Variants in DOCK1 observed in about 807,000 individuals in gnomAD.
DOCK1 encodes the protein dedicator of cytokinesis 1, also known as dedicator of cytokinesis protein 1.
A neutral mutation model predicts 262.7 loss-of-function variants in DOCK1; 138 were observed. The observed-to-expected ratio is 0.53, with a 90% confidence interval of 0.46 to 0.61. DOCK1 has a LOEUF of 0.61. Ranked by LOEUF, DOCK1 falls within the 20% of genes least tolerant of loss-of-function variation. The pLI is 0.00. For synonymous variants in DOCK1, 866 were observed against 867.4 expected (o/e 1.00, Z 0.03); for missense variants, 1,908 against 2,370.7 (o/e 0.80, Z 4.05).
chr10:127,160,340 A>C (rs546418621), intron 27 of DOCK1, among the ~76,000 whole-genome samples: 1 of 152,270 alleles, frequency 6.6e-6, no homozygotes, highest in African/African-American at 2.4e-5. Context: ...TTCCTTCATA[A>C]GATCTTAAAT....
rs41282908 is a variant in DOCK1, at chr10:127,451,545, G to A, written c.*118G>A. The A allele has an allele frequency of 6.9e-4, 1,050 of 1,518,830 alleles. 4 individuals are homozygous for A. In the African/African-American group the frequency reaches 0.012, roughly 17 times the overall value. The allele number at this position is 1,518,830 out of a possible 1,614,324, so 94.1% of individuals were successfully genotyped here. ...GGCCTGTGATGTTAACATTTCGTGC[G>A]ACTGCTTTTTCTTCAAAGGAGTTCA... On this transcript the variant is annotated 3_prime_UTR_variant, in exon 52 of 52. Transcript: ENST00000623213.
At chr10:127,045,056 C>T (rs777711486) in intron 21 of DOCK1, among the ~76,000 whole-genome samples, 8 of 151,758 alleles carry the variant, frequency 5.3e-5, no homozygotes, top group East Asian at 2.0e-4. Context: ...AAATTAGCTG[C>T]GCGTGGTGGC....
chr10:127,416,504 T>A (rs533060813), intron 44 of DOCK1, among the ~76,000 whole-genome samples: 3 of 152,244 alleles, frequency 2.0e-5, no homozygotes, highest in Admixed American at 6.5e-5. Context: ...AGCCCTGACC[T>A]TTCGTGAGGA....
chr10:127,097,890 G>T (rs1168950361), intron 23 of DOCK1, among the ~76,000 whole-genome samples: 1 of 152,196 alleles, frequency 6.6e-6, no homozygotes, highest in East Asian at 1.9e-4. Flanking sequence ...AGGCCATAAT[G>T]GTGTATTCGT....
intron 29 of DOCK1, among the ~76,000 whole-genome samples, chr10:127,327,573 A>G (rs1214758612): frequency 1.3e-5 from 2 of 152,176 alleles, no homozygotes; most frequent in African/African-American, 4.8e-5. Context: ...CACCACTGAA[A>G]CTTTCTCCGT....
intron 1 of DOCK1, among the ~76,000 whole-genome samples, chr10:126,948,581 AC>A (rs2035834087): frequency 6.6e-6 from 1 of 151,860 alleles, no homozygotes; most frequent in Non-Finnish European, 1.5e-5. Flanking sequence ...GCACCCTGAA[AC>A]AGGGCCCTCA....
intron 29 of DOCK1, among the ~76,000 whole-genome samples, chr10:127,272,649 CA>C (rs1000259082): frequency 6.6e-6 from 1 of 152,128 alleles, no homozygotes; most frequent in Non-Finnish European, 1.5e-5. Flanking sequence ...AGAGGTTTGG[CA>C]AAGAGGTTGG....
chr10:127,030,978 A>G (rs1054804732), intron 16 of DOCK1, among the ~76,000 whole-genome samples: 1 of 152,238 alleles, frequency 6.6e-6, no homozygotes, highest in Non-Finnish European at 1.5e-5. Flanking sequence ...GGAGGAGGTG[A>G]CATTTTGGCA....
At chr10:127,157,822 T>A (rs1257072576) in intron 27 of DOCK1, among the ~76,000 whole-genome samples, 1 of 152,218 alleles carries the variant, frequency 6.6e-6, no homozygotes, top group African/African-American at 2.4e-5. Flanking sequence ...AGGAATCAGT[T>A]GTTTGGAGTC....
At chr10:127,014,417 G>T (rs1399689711) in intron 12 of DOCK1, among the ~76,000 whole-genome samples, 1 of 151,176 alleles carries the variant, frequency 6.6e-6, no homozygotes. Flanking sequence ...TTTTTAAAGC[G>T]TGTGGTAATA....
intron 27 of DOCK1, among the ~76,000 whole-genome samples, chr10:127,183,494 AT>A (rs2055933679): frequency 6.6e-6 from 1 of 152,208 alleles, no homozygotes; most frequent in Non-Finnish European, 1.5e-5. Context: ...AGACTTGAGC[AT>A]TTCTTGTAAT....
In DOCK1 at chr10:126,912,744, A is replaced by G. The variant is rs1220371540; in HGVS notation, c.46+7181A>G. Among the ~76,000 whole-genome samples, 7 of 127,972 alleles carry G rather than the reference A, an allele frequency of 5.5e-5. No individual in the cohort carries two copies. In the East Asian group the frequency reaches 1.7e-3, roughly 31 times the overall value. 84.0% of individuals were successfully genotyped at this position (127,972 alleles called of 152,430 possible). A position where few individuals can be genotyped will look rare whatever the true frequency, so the allele number is the denominator to read the frequency against. ...CCATCTCGGAAAAAAAAAAAAAAAA[A>G]GAAAGAAAGGACACTAGTCATGCTG... On this transcript the variant is annotated intron_variant, in intron 1 of 51. Coordinates refer to ENST00000623213, the MANE Select transcript of DOCK1 (RefSeq NM_001290223.2).
At position 127,418,607 on chromosome 10, in the gene DOCK1, G is replaced by A. The variant is rs908382452; in HGVS notation, c.4692+66G>A. The A allele has an allele frequency of 2.1e-5, 32 of 1,530,644 alleles. No homozygotes were observed. The African/African-American group carries it at 4.1e-4, about 20-fold the overall frequency. 94.8% of individuals were successfully genotyped at this position (1,530,644 alleles called of 1,614,324 possible). A position where few individuals can be genotyped will look rare whatever the true frequency, so the allele number is the denominator to read the frequency against. On this transcript the variant is annotated intron_variant, in intron 45 of 51. Transcript: ENST00000623213. ...CCGGGGACAGACTGAAAATTCCCGA[G>A]AGTCCCCAAAGCCCAGAAACGCCCC...
chr10:127,027,987 GC>G (rs1273903630), intron 16 of DOCK1, among the ~76,000 whole-genome samples: 2 of 150,398 alleles, frequency 1.3e-5, no homozygotes, highest in African/African-American at 2.4e-5. Flanking sequence ...GTGTGGTGGG[GC>G]CCGGCCTGGG....
At chr10:127,299,569 A>C (rs1413443587) in intron 29 of DOCK1, among the ~76,000 whole-genome samples, 1 of 152,226 alleles carries the variant, frequency 6.6e-6, no homozygotes, top group Non-Finnish European at 1.5e-5. Flanking sequence ...CATGGGACAG[A>C]GTCTTCCAGA....
intron 29 of DOCK1, among the ~76,000 whole-genome samples, chr10:127,269,198 C>G (rs568574952): frequency 6.6e-6 from 1 of 152,124 alleles, no homozygotes; most frequent in Admixed American, 6.5e-5. Context: ...AATGAGAAAG[C>G]GCATGTGGGG....
At chr10:127,339,733 G>GCA (rs146587049) in intron 30 of DOCK1, among the ~76,000 whole-genome samples, 22,180 of 109,376 alleles carry the variant, frequency 0.2, 2,388 homozygotes, top group African/African-American at 0.34. Flanking sequence ...GTGTGTGTGT[G>GCA]TGCATGCTGT....
intron 27 of DOCK1, among the ~76,000 whole-genome samples, chr10:127,155,527 G>A (rs751727624): frequency 6.6e-6 from 1 of 152,064 alleles, no homozygotes; most frequent in African/African-American, 2.4e-5. Context: ...CCGTTCTCCC[G>A]TTGGCTTTGT....
At chr10:127,008,886 G>A in intron 11 of DOCK1, 82 bp downstream of exon 11, 1 of 1,209,830 alleles carries the variant, frequency 8.3e-7, no homozygotes, top group Non-Finnish European at 1.2e-6. Context: ...ATAATTAAAT[G>A]GATAAACATA....
Sources: gnomAD v4.1 joint callset for allele counts (sites outside exome capture counted in the v4.1 genomes callset) on GRCh38, gnomAD v4.1.1 for gene constraint, MANE v1.5 for transcripts, NCBI Gene and HGNC (gene_info 2026-07-23, HGNC 2026-07-21) for gene names.